The following COL11A1 variants were observed in gnomAD, a reference collection of about 807,000 sequenced individuals.
COL11A1 encodes collagen alpha-1(XI) chain.
In COL11A1, 74 loss-of-function variants were observed where a neutral mutation model predicts 265.2. The observed-to-expected ratio is 0.28, with a 90% CI of 0.23 to 0.34. The LOEUF is 0.34. COL11A1 is among the 10% of genes least tolerant of loss of function. The probability of loss-of-function intolerance (pLI) is 1.00; values close to 1 mark genes in which losing one functional copy is unlikely to be tolerated. For synonymous variants in COL11A1, 816 were observed against 727.6 expected (o/e 1.12, Z -1.96); for missense variants, 2,165 against 2,263.6 (o/e 0.96, Z 0.88).
In COL11A1 at chr1:103,001,074, A is replaced by G. The variant is rs190525929; in HGVS notation, c.2142+851T>C. 488 of 396,860 alleles carry G rather than the reference A, an allele frequency of 1.2e-3. 2 individuals are homozygous for G. The highest frequency in any genetic ancestry group is 6.3e-4 in the Middle Eastern group (1 of 1,580). 24.6% of individuals were successfully genotyped at this position (396,860 alleles called of 1,614,324 possible). ...TCACATGAAATATTCAGAAAACTCA[A>G]ATCTACAGAGACAGAAAGCAAATTA... On this transcript the variant is annotated intron_variant, in intron 24 of 66. Coordinates refer to ENST00000370096, the MANE Select transcript of COL11A1 (RefSeq NM_001854.4).
chr1:103,041,937 G>A (rs1033864661), intron 4 of COL11A1, among the ~76,000 whole-genome samples: 24 of 151,750 alleles, frequency 1.6e-4, no homozygotes, highest in Admixed American at 9.2e-4. Context: ...ATATAGGTTC[G>A]TTATTTTAGG....
At chr1:103,079,902 G>T (rs1672265458) in intron 2 of COL11A1, among the ~76,000 whole-genome samples, 1 of 151,900 alleles carries the variant, frequency 6.6e-6, no homozygotes, top group Admixed American at 6.6e-5. Flanking sequence ...ATATGATTAT[G>T]TCTGGCTTGG....
Position 103,014,583 on chromosome 1 carries a change from A to G in COL11A1, c.1500T>C (p.Gly500=). The G allele has an allele frequency of 6.2e-7, 1 of 1,613,576 alleles. No individual in the cohort carries two copies. The highest frequency in any genetic ancestry group is 8.5e-7 in the Non-Finnish European group (1 of 1,179,620). Residue 500 remains glycine, a synonymous_variant, in exon 13 of 67, where the codon GGT becomes GGC. Coordinates refer to ENST00000370096, the MANE Select transcript of COL11A1 (RefSeq NM_001854.4). ...TGGTTGGTCCTTTGGAACCATCACC[A>G]CCATAACGGAACTTGGAAGAGATAA... is the stretch of plus-strand genomic sequence containing the variant. ...GTMLMLPFRY[G]GDGSKGPTIS...
intron 4 of COL11A1, among the ~76,000 whole-genome samples, chr1:103,062,231 T>A (rs1670730926): frequency 6.6e-6 from 1 of 152,040 alleles, no homozygotes; most frequent in African/African-American, 2.4e-5. Context: ...ATGGGTTCAC[T>A]GTTGAAGTCT....
intron 39 of COL11A1, 125 bp from the exon 40 acceptor site, chr1:102,962,390 G>A: frequency 1.2e-6 from 1 of 826,216 alleles, no homozygotes; most frequent in Non-Finnish European, 2.0e-6. Flanking sequence ...TGAGAATATT[G>A]GGTGGAATGC....
At chr1:103,012,249 A>G (rs1666192223) in intron 14 of COL11A1, among the ~76,000 whole-genome samples, 164 bp downstream of exon 14, 1 of 151,748 alleles carries the variant, frequency 6.6e-6, no homozygotes, top group South Asian at 2.1e-4. Flanking sequence ...CAAAATGTAC[A>G]GAAAACTGAA....
intron 13 of COL11A1, among the ~76,000 whole-genome samples, chr1:103,013,972 CAT>C (rs1182645918): frequency 1.3e-5 from 2 of 151,796 alleles, no homozygotes; most frequent in Admixed American, 1.3e-4. Context: ...AACTAAAAAA[CAT>C]AAATTGAAAT....
chr1:103,083,060 T>G (rs1672542408), intron 1 of COL11A1, 88 bp from the exon 2 acceptor site: 1 of 1,279,864 alleles, frequency 7.8e-7, no homozygotes, highest in Admixed American at 2.0e-5. Flanking sequence ...AGTATGTCAT[T>G]TCATACCTTG....
intron 4 of COL11A1, among the ~76,000 whole-genome samples, chr1:103,066,587 G>C (rs1436514089): frequency 6.9e-6 from 1 of 144,820 alleles, no homozygotes; most frequent in Non-Finnish European, 1.5e-5. Context: ...AGGCAGGAAA[G>C]GAAGAACAAA....
rs760330151 is a variant in COL11A1, at chr1:103,021,752, T to G, written c.1263A>C (p.Ala421=). The change falls in exon 9 of 67, where the codon GCA becomes GCC. Residue 421 remains alanine, a synonymous_variant. Transcript: ENST00000370096. ...ITETSINGHG[A]YGEKGQKGEP... is the part of the protein sequence containing the mutation. ...CTCCTTTCTGTCCTTTCTCTCCATA[T>G]GCACCATGGCCATTTATCTGTTGAA... is the stretch of plus-strand genomic sequence containing the variant. 4 of 1,611,722 alleles carry G rather than the reference T, an allele frequency of 2.5e-6. No homozygotes were observed. The African/African-American group carries it at 4.0e-5, about 16-fold the overall frequency.
chr1:103,042,738 C>T (rs967022074), intron 4 of COL11A1, among the ~76,000 whole-genome samples: 95 of 151,962 alleles, frequency 6.3e-4, no homozygotes, highest in African/African-American at 2.1e-3. Context: ...ATGCCCCTTG[C>T]CCCTTTAGTC....
intron 46 of COL11A1, among the ~76,000 whole-genome samples, chr1:102,928,904 T>C: frequency 1.4e-5 from 1 of 70,822 alleles, no homozygotes; most frequent in Non-Finnish European, 3.9e-5. Context: ...TTTTGAGAAG[T>C]GTCTGTTCAT....
chr1:102,958,436 C>T (rs541934443), intron 41 of COL11A1, among the ~76,000 whole-genome samples: 1 of 151,930 alleles, frequency 6.6e-6, no homozygotes, highest in Non-Finnish European at 1.5e-5. Flanking sequence ...AGAAAACCAT[C>T]CAGTTTTTGT....
Position 102,923,323 on chromosome 1 carries a change from A to C in COL11A1, c.3654+13T>G, listed in dbSNP as rs1367070586. 1 of 1,603,776 alleles carries C rather than the reference A, an allele frequency of 6.2e-7. No homozygotes were observed. Among genetic ancestry groups the C allele is most frequent in the Non-Finnish European group, 8.5e-7 (1 of 1,173,668 alleles). ...TAACACATACCCATCAAACACCAAA[A>C]ATAAAAACTTACCATGGGACCAACA... On this transcript the variant is annotated intron_variant, in intron 47 of 66. Coordinates refer to ENST00000370096, the MANE Select transcript of COL11A1 (RefSeq NM_001854.4).
chr1:103,004,375 A>G, intron 20 of COL11A1, 69 bp downstream of exon 20: 2 of 1,108,934 alleles, frequency 1.8e-6, no homozygotes, highest in South Asian at 2.6e-5. Flanking sequence ...TTGTTTTTAT[A>G]TGTGTAACAC....
rs1300929951 is a variant in COL11A1 at position 102,987,723 on chromosome 1, A to T, written c.2412T>A (p.Ile804=). ...CAGGGCCATCTTCCCCTCTTGGGCC[A>T]ATTTGACCAACTTCTCCCTGAGGCA... ...LKGDRGEVGQ[I]GPRGEDGPEG... is the part of the protein sequence containing the mutation. The change falls in exon 30 of 67, where the codon ATT becomes ATA. Residue 804 remains isoleucine, a synonymous_variant. Coordinates refer to ENST00000370096, the MANE Select transcript of COL11A1 (RefSeq NM_001854.4). 6.2e-7 allele frequency: 1 copy of T among 1,613,456 alleles called. No individual in the cohort carries two copies. The highest frequency in any genetic ancestry group is 8.5e-7 in the Non-Finnish European group (1 of 1,179,638).
At chr1:103,035,658 A>G (rs1453059868) in intron 4 of COL11A1, among the ~76,000 whole-genome samples, 1 of 152,110 alleles carries the variant, frequency 6.6e-6, no homozygotes, top group African/African-American at 2.4e-5. Flanking sequence ...CATCTTCTTT[A>G]ATTTATGATG....
rs113226085 is a variant in COL11A1 at position 102,889,383 on chromosome 1, C to CTG, written c.4464+70_4464+71dup. 0.062 allele frequency: 49,805 copies of CTG among 798,912 alleles called. 782 individuals are homozygous for CTG. Among genetic ancestry groups the CTG allele is most frequent in the African/African-American group, 0.16 (9,182 of 58,572 alleles). 49.5% of individuals were successfully genotyped at this position (798,912 alleles called of 1,614,324 possible). A position where few individuals can be genotyped will look rare whatever the true frequency, so the allele number is the denominator to read the frequency against. On this transcript the variant is annotated intron_variant, in intron 59 of 66. Transcript: ENST00000370096. ...TCTTTCTTTGATCATACTTAAAGGA[C>CTG]TGTGTGTGTGTGTGTGTGTGTGTGT... is the stretch of plus-strand genomic sequence containing the variant.
chr1:102,922,642 G>T (rs1237031404), intron 47 of COL11A1, among the ~76,000 whole-genome samples: 1 of 152,026 alleles, frequency 6.6e-6, no homozygotes, highest in Non-Finnish European at 1.5e-5. Flanking sequence ...ATCGTGATCC[G>T]CCCGCCTCGG....
Sources: allele counts gnomAD v4.1 joint callset (sites outside exome capture counted in the v4.1 genomes callset), GRCh38; gene constraint gnomAD v4.1.1; transcripts MANE v1.5; gene names NCBI Gene and HGNC (gene_info 2026-07-23, HGNC 2026-07-21).